Variants in LRP1B observed in about 807,000 individuals in gnomAD.
The protein encoded by LRP1B is LDL receptor related protein 1B.
In LRP1B, 217 loss-of-function variants were observed where a neutral mutation model predicts 556.6. The ratio of observed to expected loss-of-function variants is 0.39; its 90% CI spans 0.35 to 0.44. The LOEUF (loss-of-function observed/expected upper bound fraction) is 0.44, where lower values mean the gene tolerates loss of function less well. Among genes scored for constraint, LRP1B ranks in the 20% least tolerant of loss-of-function variants. The pLI is 1.00. For missense variants in LRP1B, 5,053 were observed against 5,620.8 expected, an observed-to-expected ratio of 0.90 and a Z score of 3.23; for synonymous variants, 2,047 against 1,865.8, an observed-to-expected ratio of 1.10 and a Z score of -2.50.
rs985542817 is a variant in LRP1B at position 141,459,225 on chromosome 2, T to C, written c.343+21171A>G. On this transcript the variant is annotated intron_variant, in intron 3 of 90. Coordinates refer to ENST00000389484, the MANE Select transcript of LRP1B (RefSeq NM_018557.3). ...GTCTTCAACTTAGGCTATAGAGGTA[T>C]AAATCAAACACACACACGTGTATGT... Among the ~76,000 whole-genome samples, 7 of 152,274 alleles carry C rather than the reference T, an allele frequency of 4.6e-5. No homozygotes were observed. The East Asian group carries it at 1.2e-3, about 25-fold the overall frequency.
At chr2:141,864,643 A>G (rs570246614) in intron 1 of LRP1B, among the ~76,000 whole-genome samples, 1 of 151,796 alleles carries the variant, frequency 6.6e-6, no homozygotes, top group African/African-American at 2.4e-5. Flanking sequence ...GCACTTTGGG[A>G]GGCTGAGGCA....
intron 41 of LRP1B, among the ~76,000 whole-genome samples, chr2:140,666,245 A>T (rs78409491): frequency 6.6e-6 from 1 of 151,664 alleles, no homozygotes; most frequent in African/African-American, 2.4e-5. Flanking sequence ...TATCTGACTT[A>T]GATTCCCAAA....
chr2:140,309,859 T>C (rs753330639), intron 83 of LRP1B, among the ~76,000 whole-genome samples: 1 of 151,808 alleles, frequency 6.6e-6, no homozygotes, highest in Non-Finnish European at 1.5e-5. Flanking sequence ...TCTTTTTGAA[T>C]TTCAATTTTA....
At chr2:140,892,286 G>A (rs1693820565) in intron 23 of LRP1B, among the ~76,000 whole-genome samples, 1 of 152,078 alleles carries the variant, frequency 6.6e-6, no homozygotes, top group Non-Finnish European at 1.5e-5. Flanking sequence ...AGGTCACCGT[G>A]GATGAAGTTC....
At chr2:141,253,455 T>C (rs1056840787) in intron 4 of LRP1B, among the ~76,000 whole-genome samples, 3 of 152,082 alleles carry the variant, frequency 2.0e-5, no homozygotes, top group Non-Finnish European at 4.4e-5. Flanking sequence ...AACAACAAAC[T>C]AAAATTCAAT....
chr2:140,312,710 A>C (rs1007657618), intron 83 of LRP1B, among the ~76,000 whole-genome samples: 3 of 151,952 alleles, frequency 2.0e-5, no homozygotes, highest in Admixed American at 6.6e-5. Flanking sequence ...TGATATAATC[A>C]ATATCAAAAT....
At chr2:141,111,767 C>G (rs966307314) in intron 7 of LRP1B, among the ~76,000 whole-genome samples, 9 of 152,098 alleles carry the variant, frequency 5.9e-5, no homozygotes, top group Admixed American at 2.0e-4. Flanking sequence ...AAATTCTACT[C>G]CAGCCGGTAG....
At chr2:141,297,399 G>C (rs1281732936) in intron 3 of LRP1B, among the ~76,000 whole-genome samples, 1 of 152,212 alleles carries the variant, frequency 6.6e-6, no homozygotes, top group East Asian at 1.9e-4. Context: ...GCAGTTTAGT[G>C]ATTTCTCTAA....
intron 25 of LRP1B, among the ~76,000 whole-genome samples, chr2:140,881,653 G>A (rs1693479536): frequency 6.6e-6 from 1 of 151,872 alleles, no homozygotes; most frequent in South Asian, 2.1e-4. Flanking sequence ...TTAAAAAAAA[G>A]TATTATTTTA....
At chr2:140,693,562 T>A (rs1005920264) in intron 41 of LRP1B, among the ~76,000 whole-genome samples, 1 of 152,200 alleles carries the variant, frequency 6.6e-6, no homozygotes, top group African/African-American at 2.4e-5. Context: ...ACTTTTTGCA[T>A]CATGAAAGTA....
intron 31 of LRP1B, among the ~76,000 whole-genome samples, chr2:140,835,256 C>T (rs1478753279): frequency 6.6e-6 from 1 of 152,168 alleles, no homozygotes. Context: ...CTGAGGTCTT[C>T]TTATCTGCAT....
chr2:140,956,539 TG>T (rs1333990628), intron 18 of LRP1B, among the ~76,000 whole-genome samples: 3 of 151,748 alleles, frequency 2.0e-5, no homozygotes, highest in African/African-American at 7.2e-5. Flanking sequence ...CTAGATTCAC[TG>T]AGAAAATACA....
At chr2:141,147,259 C>T (rs1169984771) in intron 7 of LRP1B, among the ~76,000 whole-genome samples, 1 of 152,144 alleles carries the variant, frequency 6.6e-6, no homozygotes, top group African/African-American at 2.4e-5. Context: ...AGTGCCTCAA[C>T]ATCCTTTACT....
At chr2:140,775,617 A>G (rs1573701815) in intron 33 of LRP1B, among the ~76,000 whole-genome samples, 2 of 152,070 alleles carry the variant, frequency 1.3e-5, no homozygotes, top group South Asian at 4.1e-4. Flanking sequence ...AAGTCTACCT[A>G]TGTAAACCAT....
chr2:140,444,514 C>T (rs1380347660), intron 64 of LRP1B, 49 bp downstream of exon 64: 1 of 1,611,682 alleles, frequency 6.2e-7, no homozygotes, highest in Admixed American at 1.7e-5. Flanking sequence ...CAGACATAAT[C>T]AGTTGAAAAT....
At chr2:141,174,622 C>T (rs1035370785) in intron 7 of LRP1B, among the ~76,000 whole-genome samples, 1 of 152,238 alleles carries the variant, frequency 6.6e-6, no homozygotes, top group East Asian at 1.9e-4. Flanking sequence ...GTCGGAGGAA[C>T]TATGAGTCAA....
intron 5 of LRP1B, among the ~76,000 whole-genome samples, chr2:141,234,291 T>C (rs191723405): frequency 2.0e-5 from 3 of 152,212 alleles, no homozygotes; most frequent in African/African-American, 7.2e-5. Flanking sequence ...ATCAAAATTG[T>C]TAACACTTAT....
At chr2:141,684,190 C>T (rs1207638569) in intron 2 of LRP1B, among the ~76,000 whole-genome samples, 1 of 152,074 alleles carries the variant, frequency 6.6e-6, no homozygotes, top group Non-Finnish European at 1.5e-5. Context: ...ATAGCAAAGA[C>T]TTGGAACCAA....
At position 141,463,159 on chromosome 2, in the gene LRP1B, G is replaced by C. The variant is rs547670546; in HGVS notation, c.343+17237C>G. ...AGTATTGGTCCATTGTGGACAAGTA[G>C]TACTTTGGTTGAATGCAGTAAGAAT... On this transcript the variant is annotated intron_variant, in intron 3 of 90. Coordinates refer to ENST00000389484, the MANE Select transcript of LRP1B (RefSeq NM_018557.3). Among the ~76,000 whole-genome samples the C allele has an allele frequency of 2.0e-5, 3 of 152,260 alleles. No individual in the cohort carries two copies. In the South Asian group the frequency reaches 6.2e-4, roughly 32 times the overall value.
Sources: gnomAD v4.1 joint callset for allele counts (sites outside exome capture counted in the v4.1 genomes callset) on GRCh38, gnomAD v4.1.1 for gene constraint, MANE v1.5 for transcripts, NCBI Gene and HGNC (gene_info 2026-07-23, HGNC 2026-07-21) for gene names.